IQCJ: variants seen among roughly 807,000 people sequenced by gnomAD.
The protein encoded by IQCJ is IQ domain-containing protein J.
IQCJ carries 9 observed loss-of-function variants against 11.0 expected under a neutral mutation model. That is an observed-to-expected ratio of 0.82 (90% CI 0.49 to 1.43). IQCJ has a LOEUF of 1.43. Among genes scored for constraint, IQCJ ranks in the 40% most tolerant of loss-of-function variants. The pLI, the probability that IQCJ is intolerant of heterozygous loss-of-function variation, is 0.00. For missense variants in IQCJ, 146 were observed against 133.2 expected (o/e 1.10, Z -0.47); for synonymous variants, 55 against 51.3 (o/e 1.07, Z -0.31).
intron 1 of IQCJ, among the ~76,000 whole-genome samples, chr3:159,213,453 A>G (rs1036631546): frequency 2.6e-5 from 4 of 152,148 alleles, no homozygotes; most frequent in African/African-American, 9.7e-5. Context: ...CTCAAGGCGC[A>G]TTTTAAGGAG....
intron 1 of IQCJ, among the ~76,000 whole-genome samples, chr3:159,196,020 A>AG (rs1723963282): frequency 6.6e-6 from 1 of 152,194 alleles, no homozygotes; most frequent in Admixed American, 6.5e-5. Context: ...TAGTATACTT[A>AG]CCCTACAATT....
chr3:159,113,393 T>C (rs1377375675), intron 1 of IQCJ, among the ~76,000 whole-genome samples: 4 of 152,134 alleles, frequency 2.6e-5, no homozygotes, highest in African/African-American at 9.7e-5. Context: ...CAGCGTAGAC[T>C]GTAGATTTAT....
At chr3:159,163,077 GC>G (rs1290140546) in intron 1 of IQCJ, among the ~76,000 whole-genome samples, 1 of 152,186 alleles carries the variant, frequency 6.6e-6, no homozygotes, top group Non-Finnish European at 1.5e-5. Context: ...ATTTTATGAG[GC>G]CAGCATAATT....
At chr3:159,088,772 G>T (rs1485621470) in intron 1 of IQCJ, among the ~76,000 whole-genome samples, 12 of 151,800 alleles carry the variant, frequency 7.9e-5, no homozygotes, top group African/African-American at 2.2e-4. Flanking sequence ...CATTTGCTTG[G>T]TAGATCTTCC....
rs973398653 is a variant in IQCJ at position 159,093,607 on chromosome 3, C to T, written c.9+24166C>T. Among the ~76,000 whole-genome samples the T allele has an allele frequency of 4.0e-5, 6 of 151,630 alleles. 1 individual carries two copies. The highest frequency in any genetic ancestry group is 1.5e-4 in the African/African-American group (6 of 41,022). On this transcript the variant is annotated intron_variant, in intron 1 of 3. Coordinates refer to ENST00000397832, the MANE Select transcript of IQCJ (RefSeq NM_001042706.3). ...ATGAGGAGGTAGAGGCTGGGAAAGC[C>T]GGTGTATTAGTCTGTTCACATGTTG...
rs145969204 is a variant in IQCJ, at chr3:159,237,411, C to A, written c.10-8432C>A. 2.2e-3 allele frequency among the ~76,000 whole-genome samples: 339 copies of A among 152,264 alleles called. 3 individuals are homozygous for A. Among genetic ancestry groups the A allele is most frequent in the African/African-American group, 7.7e-3 (318 of 41,558 alleles). ...CTGTCTGTGACAGAAGAAAAGACTG[C>A]GGGATTGAGACAGGAGGGTAAAGCC... On this transcript the variant is annotated intron_variant, in intron 1 of 3. Transcript: ENST00000397832.
intron 1 of IQCJ, among the ~76,000 whole-genome samples, chr3:159,149,849 A>G (rs1024794850): frequency 4.6e-5 from 7 of 152,110 alleles, no homozygotes; most frequent in Non-Finnish European, 1.5e-5. Flanking sequence ...GGAGGCTTCC[A>G]AGGGCAGGGA....
intron 1 of IQCJ, among the ~76,000 whole-genome samples, chr3:159,221,791 G>T (rs1420700193): frequency 6.6e-6 from 1 of 151,128 alleles, no homozygotes; most frequent in African/African-American, 2.4e-5. Flanking sequence ...CAGCCTTTCT[G>T]CCAGGGAAGT....
chr3:159,087,833 T>C (rs1429767368), intron 1 of IQCJ, among the ~76,000 whole-genome samples: 20 of 151,314 alleles, frequency 1.3e-4, no homozygotes, highest in South Asian at 6.3e-4. Flanking sequence ...GTCTTGCTAG[T>C]GGTCTATCAA....
intron 1 of IQCJ, among the ~76,000 whole-genome samples, chr3:159,105,353 T>A (rs1559986752): frequency 6.6e-6 from 1 of 152,210 alleles, no homozygotes; most frequent in Non-Finnish European, 1.5e-5. Flanking sequence ...ACCATTGCTT[T>A]GTCCACCTCT....
At chr3:159,134,772 A>G (rs968952685) in intron 1 of IQCJ, among the ~76,000 whole-genome samples, 10 of 152,120 alleles carry the variant, frequency 6.6e-5, no homozygotes, top group African/African-American at 2.4e-4. Flanking sequence ...ATTCCCTTGG[A>G]CCCTATAAGC....
rs962576807 is a variant in IQCJ at position 159,096,316 on chromosome 3, G to T, written c.9+26875G>T. ...AAAATTTTCTCCCATTTTATAGGTT[G>T]CCTGTTCACTCTGATGGTAGTTTCT... On this transcript the variant is annotated intron_variant, in intron 1 of 3. Transcript: ENST00000397832. Among the ~76,000 whole-genome samples the T allele has an allele frequency of 1.6e-4, 24 of 150,824 alleles. 1 individual carries two copies. Among genetic ancestry groups the T allele is most frequent in the Admixed American group, 1.1e-3 (17 of 15,234 alleles).
chr3:159,144,538 C>T (rs557690909), intron 1 of IQCJ, among the ~76,000 whole-genome samples: 1 of 152,228 alleles, frequency 6.6e-6, no homozygotes, highest in South Asian at 2.1e-4. Context: ...CTGTTCCTGG[C>T]AACATTGCTG....
intron 2 of IQCJ, among the ~76,000 whole-genome samples, chr3:159,247,346 C>G (rs1025189313): frequency 1.3e-5 from 2 of 152,182 alleles, no homozygotes; most frequent in Non-Finnish European, 2.9e-5. Flanking sequence ...TCCACCCACT[C>G]AGCCTCCCAA....
At chr3:159,227,621 A>G (rs903096148) in intron 1 of IQCJ, among the ~76,000 whole-genome samples, 1 of 152,202 alleles carries the variant, frequency 6.6e-6, no homozygotes, top group African/African-American at 2.4e-5. Context: ...TGGACTCTCA[A>G]CAAATATTAG....
chr3:159,246,635 C>T (rs546316412), intron 2 of IQCJ, among the ~76,000 whole-genome samples: 1 of 152,158 alleles, frequency 6.6e-6, no homozygotes, highest in African/African-American at 2.4e-5. Context: ...GCTCTGGACA[C>T]CACGTTTAAG....
chr3:159,088,818 C>T (rs1451054596), intron 1 of IQCJ, among the ~76,000 whole-genome samples: 2 of 152,054 alleles, frequency 1.3e-5, no homozygotes, highest in African/African-American at 2.4e-5. Context: ...TGTGTCTCTG[C>T]ACGTGAGATG....
chr3:159,072,239 A>G (rs1242035684), intron 1 of IQCJ, among the ~76,000 whole-genome samples: 1 of 152,114 alleles, frequency 6.6e-6, no homozygotes, highest in Non-Finnish European at 1.5e-5. Flanking sequence ...GCATTTTCCA[A>G]TAGAGAAGAA....
At chr3:159,076,998 A>G (rs557855676) in intron 1 of IQCJ, among the ~76,000 whole-genome samples, 1 of 152,256 alleles carries the variant, frequency 6.6e-6, no homozygotes, top group East Asian at 1.9e-4. Flanking sequence ...TAGACACTCC[A>G]TGAGTGTTAA....
Sources: allele counts gnomAD v4.1 joint callset (sites outside exome capture counted in the v4.1 genomes callset), GRCh38; gene constraint gnomAD v4.1.1; transcripts MANE v1.5; gene names NCBI Gene and HGNC (gene_info 2026-07-23, HGNC 2026-07-21).